LRP1B: variants seen among roughly 807,000 people sequenced by gnomAD.
The protein encoded by LRP1B is low-density lipoprotein receptor-related protein 1B.
LRP1B carries 217 observed loss-of-function variants against 556.6 expected under a neutral mutation model. The ratio of observed to expected loss-of-function variants is 0.39; its 90% CI spans 0.35 to 0.44. The LOEUF is 0.44. Among genes scored for constraint, LRP1B ranks in the 20% least tolerant of loss-of-function variants. LRP1B has a pLI of 1.00. For missense variants in LRP1B, 5,053 were observed against 5,620.8 expected, an observed-to-expected ratio of 0.90 and a Z score of 3.23; for synonymous variants, 2,047 against 1,865.8, an observed-to-expected ratio of 1.10 and a Z score of -2.50.
At chr2:140,334,406 A>T in intron 79 of LRP1B, 47 bp downstream of exon 79, 2 of 1,174,136 alleles carry the variant, frequency 1.7e-6, no homozygotes, top group Non-Finnish European at 2.6e-6. Context: ...TAACAGTAAT[A>T]TACTTGTCAT....
chr2:141,719,173 C>G (rs985029730), intron 2 of LRP1B, among the ~76,000 whole-genome samples: 1 of 152,098 alleles, frequency 6.6e-6, no homozygotes, highest in Non-Finnish European at 1.5e-5. Context: ...TCTAGTGATA[C>G]AAGGTGTAAT....
chr2:140,602,046 A>G (rs1025180669), intron 41 of LRP1B, among the ~76,000 whole-genome samples: 5 of 152,100 alleles, frequency 3.3e-5, no homozygotes, highest in African/African-American at 1.2e-4. Context: ...TCTTGATACT[A>G]TAGATCTGGA....
At chr2:141,837,111 G>T (rs746395756) in intron 1 of LRP1B, among the ~76,000 whole-genome samples, 8 of 151,888 alleles carry the variant, frequency 5.3e-5, no homozygotes, top group Non-Finnish European at 8.8e-5. Context: ...AGGTATGCAG[G>T]GCTAGGAAAG....
Position 140,952,030 on chromosome 2 carries a change from C to T in LRP1B, c.2888-90G>A, listed in dbSNP as rs781592517. Reference sequence around the variant, plus strand: ...TCATCTGATAATGTGATCAGAACTCCTTCCCTGTTCTCTACAAAGGCACAG... The same window carrying T: ...TCATCTGATAATGTGATCAGAACTCTTTCCCTGTTCTCTACAAAGGCACAG... On this transcript the variant is annotated intron_variant, in intron 18 of 90. Transcript: ENST00000389484. 7.1e-5 allele frequency: 63 copies of T among 882,218 alleles called. 1 individual carries two copies. The Middle Eastern group carries it at 1.0e-3, about 14-fold the overall frequency. The allele number at this position is 882,218 out of a possible 1,614,324, so 54.6% of individuals were successfully genotyped here. A position where few individuals can be genotyped will look rare whatever the true frequency, so the allele number is the denominator to read the frequency against.
intron 1 of LRP1B, among the ~76,000 whole-genome samples, chr2:141,822,170 C>A (rs1225292591): frequency 8.9e-6 from 1 of 112,986 alleles, no homozygotes; most frequent in Non-Finnish European, 1.8e-5. Context: ...ATAGTAAAAA[C>A]CCTGTCTTTT....
intron 7 of LRP1B, among the ~76,000 whole-genome samples, chr2:141,064,121 T>A (rs183296301): frequency 2.6e-4 from 39 of 151,560 alleles, no homozygotes; most frequent in African/African-American, 8.0e-4. Context: ...GAAATAAGAG[T>A]AAAGGAGGTC....
At chr2:141,690,398 T>TAAATAAATAAATAA (rs3039235) in intron 2 of LRP1B, among the ~76,000 whole-genome samples, 29 of 28,158 alleles carry the variant, frequency 1.0e-3, no homozygotes, top group African/African-American at 2.0e-3. Context: ...CATCTATAAA[T>TAAATAAATAAATAA]ATATATATAT....
chr2:140,309,212 C>G (rs563918966), intron 83 of LRP1B, among the ~76,000 whole-genome samples: 94 of 151,846 alleles, frequency 6.2e-4, no homozygotes, highest in African/African-American at 2.2e-3. Flanking sequence ...TTATACAGAA[C>G]TATTCAGCAA....
chr2:140,396,891 A>G (rs1219750101), intron 66 of LRP1B, among the ~76,000 whole-genome samples: 1 of 152,114 alleles, frequency 6.6e-6, no homozygotes, highest in East Asian at 1.9e-4. Context: ...ACTGATTTAG[A>G]TCCTTTACAT....
At chr2:141,403,797 T>C (rs1690530337) in intron 3 of LRP1B, among the ~76,000 whole-genome samples, 2 of 152,264 alleles carry the variant, frequency 1.3e-5, no homozygotes, top group South Asian at 4.1e-4. Context: ...CCAAGCTCAT[T>C]TTTTAGTGTG....
At chr2:141,165,095 T>C (rs113735579) in intron 7 of LRP1B, among the ~76,000 whole-genome samples, 5,470 of 152,014 alleles carry the variant, frequency 0.036, 153 homozygotes, top group South Asian at 0.083. Flanking sequence ...TTAAAACAAA[T>C]GTCATTAGGC....
chr2:141,205,656 C>T (rs529582249), intron 6 of LRP1B, among the ~76,000 whole-genome samples: 2 of 146,566 alleles, frequency 1.4e-5, no homozygotes, highest in African/African-American at 5.0e-5. Context: ...CTAATTTACT[C>T]AATTGTATAT....
At position 140,568,842 on chromosome 2, in the gene LRP1B, G is replaced by T. The variant is rs78614067; in HGVS notation, c.7195-26871C>A. ...GTAAAGGTTTTTACATTATTTCAAA[G>T]AAATGAAAGATAAAAAAATTGCCAG... On this transcript the variant is annotated intron_variant, in intron 43 of 90. Transcript: ENST00000389484. 8.6e-5 allele frequency among the ~76,000 whole-genome samples: 13 copies of T among 151,866 alleles called. No homozygotes were observed. In the East Asian group the frequency reaches 2.3e-3, roughly 27 times the overall value.
intron 2 of LRP1B, among the ~76,000 whole-genome samples, chr2:141,770,754 A>T (rs186715533): frequency 9.5e-4 from 144 of 152,344 alleles, no homozygotes; most frequent in Non-Finnish European, 2.6e-4. Flanking sequence ...TTAAAGAGTT[A>T]GAAGAGGTCG....
intron 32 of LRP1B, among the ~76,000 whole-genome samples, chr2:140,797,297 A>C (rs1690350683): frequency 1.3e-5 from 2 of 152,092 alleles, no homozygotes; most frequent in Non-Finnish European, 2.9e-5. Flanking sequence ...CAGCTAGATA[A>C]TTTTAACTGC....
At chr2:142,030,171 T>TG (rs199739981) in intron 1 of LRP1B, among the ~76,000 whole-genome samples, 3,011 of 152,034 alleles carry the variant, frequency 0.02, 46 homozygotes, top group Middle Eastern at 0.085. Context: ...TAGAGGGCAG[T>TG]GAATGGCATG....
intron 72 of LRP1B, among the ~76,000 whole-genome samples, chr2:140,362,963 TTGAA>T (rs939033582): frequency 2.6e-5 from 4 of 151,586 alleles, no homozygotes; most frequent in Admixed American, 6.6e-5. Context: ...CAAATGTCTA[TTGAA>T]TGAATGAATG....
chr2:141,178,204 G>A (rs147493360), intron 7 of LRP1B, among the ~76,000 whole-genome samples: 8 of 152,108 alleles, frequency 5.3e-5, no homozygotes, highest in Non-Finnish European at 8.8e-5. Context: ...AACTTCAGGT[G>A]TAGTGTGGAG....
intron 2 of LRP1B, among the ~76,000 whole-genome samples, chr2:141,738,594 T>C (rs1693581048): frequency 6.6e-6 from 1 of 152,140 alleles, no homozygotes; most frequent in Non-Finnish European, 1.5e-5. Flanking sequence ...TTGACACAAA[T>C]TCATGATACA....
Sources: gnomAD v4.1 joint callset for allele counts (sites outside exome capture counted in the v4.1 genomes callset) on GRCh38, gnomAD v4.1.1 for gene constraint, MANE v1.5 for transcripts, NCBI Gene and HGNC (gene_info 2026-07-23, HGNC 2026-07-21) for gene names.